The following IGFL2 variants were observed in gnomAD, a reference collection of about 807,000 sequenced individuals.
IGFL2 encodes insulin growth factor-like family member 2.
In IGFL2, 7 loss-of-function variants were observed where a neutral mutation model predicts 13.9. The ratio of observed to expected loss-of-function variants is 0.51; its 90% CI spans 0.29 to 0.95. The LOEUF (loss-of-function observed/expected upper bound fraction) is 0.95. Ranked by LOEUF, IGFL2 falls within the 40% of genes least tolerant of loss-of-function variation. The pLI is 0.08. For synonymous variants in IGFL2, 55 were observed against 55.8 expected (o/e 0.99, Z 0.07); for missense variants, 138 against 147.8 (o/e 0.93, Z 0.34).
intron 1 of IGFL2, among the ~76,000 whole-genome samples, chr19:46,158,278 G>C (rs1389766957): frequency 1.3e-5 from 2 of 152,044 alleles, no homozygotes; most frequent in Non-Finnish European, 2.9e-5. Context: ...CGCGATCTTG[G>C]CTCACTGCAA....
At chr19:46,112,955 A>C in the IGFL2 span, 1 of 152,256 alleles carries the variant, frequency 6.6e-6, no homozygotes, top group East Asian at 1.9e-4. Flanking sequence ...GTTTGTTTTA[A>C]TACCAATTGA....
chr19:46,097,255 T>G, the IGFL2 span, among the ~76,000 whole-genome samples: 7 of 152,250 alleles, frequency 4.6e-5, no homozygotes, highest in Non-Finnish European at 1.0e-4. Context: ...AGGGTGTATG[T>G]GTCCAGAAAT....
upstream of IGFL2, among the ~76,000 whole-genome samples, chr19:46,144,821 C>G (rs1451817074): frequency 1.3e-5 from 2 of 152,162 alleles, no homozygotes; most frequent in Non-Finnish European, 2.9e-5. Flanking sequence ...GGCATTCACT[C>G]TTTCCTATAG....
At chr19:46,086,119 T>G in the IGFL2 span, among the ~76,000 whole-genome samples, 4 of 152,046 alleles carry the variant, frequency 2.6e-5, no homozygotes, top group Non-Finnish European at 5.9e-5. Flanking sequence ...TGAGTGTATT[T>G]TCTATTTCAT....
chr19:46,186,057 A>G, the IGFL2 span, among the ~76,000 whole-genome samples: 1 of 152,240 alleles, frequency 6.6e-6, no homozygotes, highest in East Asian at 1.9e-4. Context: ...AGGTCTCGGG[A>G]ACCTCCTGTT....
At chr19:46,205,886 T>C in the IGFL2 span, among the ~76,000 whole-genome samples, 3 of 152,108 alleles carry the variant, frequency 2.0e-5, no homozygotes, top group African/African-American at 7.2e-5. Flanking sequence ...GGGCTGGGGC[T>C]TGAGTGGTTT....
the IGFL2 span, among the ~76,000 whole-genome samples, chr19:46,183,367 T>C: frequency 6.6e-6 from 1 of 152,054 alleles, no homozygotes; most frequent in South Asian, 2.1e-4. Context: ...TCTCCCAGTT[T>C]CCATTCTCTC....
At chr19:46,194,441 A>C in the IGFL2 span, among the ~76,000 whole-genome samples, 2 of 152,044 alleles carry the variant, frequency 1.3e-5, no homozygotes, top group East Asian at 3.9e-4. Flanking sequence ...GTTTATTTTA[A>C]CTTTCATCAC....
At chr19:46,086,158 T>A in the IGFL2 span, among the ~76,000 whole-genome samples, 1 of 152,104 alleles carries the variant, frequency 6.6e-6, no homozygotes, top group Non-Finnish European at 1.5e-5. Context: ...CTAGAATTTA[T>A]CTTTGGTTCT....
chr19:46,128,864 A>T, the IGFL2 span, among the ~76,000 whole-genome samples: 1 of 152,106 alleles, frequency 6.6e-6, no homozygotes, highest in East Asian at 1.9e-4. Flanking sequence ...CTCATAGAAT[A>T]AGTTAGGGAG....
chr19:46,098,478 C>CTTTTTTTTTT, the IGFL2 span, among the ~76,000 whole-genome samples: 1 of 128,392 alleles, frequency 7.8e-6, no homozygotes, highest in African/African-American at 3.0e-5. Flanking sequence ...CAATCTGTGT[C>CTTTTTTTTTT]TTTTTTTTTT....
the IGFL2 span, among the ~76,000 whole-genome samples, chr19:46,121,722 G>GA: frequency 6.6e-6 from 1 of 150,864 alleles, no homozygotes; most frequent in East Asian, 2.0e-4. Flanking sequence ...TGTAGGTAAA[G>GA]AAAGGCAGAT....
At chr19:46,176,984 C>G in the IGFL2 span, among the ~76,000 whole-genome samples, 1 of 152,316 alleles carries the variant, frequency 6.6e-6, no homozygotes, top group Non-Finnish European at 1.5e-5. Flanking sequence ...ATTACCCTAC[C>G]CACTGCCCTT....
At chr19:46,102,290 G>A in the IGFL2 span, among the ~76,000 whole-genome samples, 128 of 152,344 alleles carry the variant, frequency 8.4e-4, 1 homozygote, top group African/African-American at 3.0e-3. Context: ...GCCTGAGTCC[G>A]AAAAGAGAGT....
the IGFL2 span, chr19:46,137,635 C>T: frequency 3.7e-5 from 29 of 794,044 alleles, no homozygotes; most frequent in African/African-American, 1.0e-4. Context: ...CAGGACCCTG[C>T]GTGACCCAGG....
the IGFL2 span, among the ~76,000 whole-genome samples, chr19:46,134,389 A>C: frequency 6.6e-6 from 1 of 152,328 alleles, no homozygotes; most frequent in South Asian, 2.1e-4. Context: ...TGATTCAAGC[A>C]CATTACATTA....
At chr19:46,086,315 A>T in the IGFL2 span, among the ~76,000 whole-genome samples, 1 of 151,920 alleles carries the variant, frequency 6.6e-6, no homozygotes. Context: ...CTGGGATTTC[A>T]TAAATTCCTT....
chr19:46,159,458 G>C (rs1159159349), intron 1 of IGFL2: 4 of 152,050 alleles, frequency 2.6e-5, no homozygotes, highest in African/African-American at 9.7e-5. Context: ...GCCCAGGAGA[G>C]GAAAAAGGTT....
the IGFL2 span, among the ~76,000 whole-genome samples, chr19:46,104,799 AG>A: frequency 6.6e-6 from 1 of 152,228 alleles, no homozygotes. Flanking sequence ...AGAGGTTCTA[AG>A]AGGCAGGCTA....
Sources: gnomAD v4.1 joint callset for allele counts (sites outside exome capture counted in the v4.1 genomes callset) on GRCh38, gnomAD v4.1.1 for gene constraint, MANE v1.5 for transcripts, NCBI Gene and HGNC (gene_info 2026-07-23, HGNC 2026-07-21) for gene names.